The following ATP6V1H variants were observed in gnomAD, a reference collection of about 807,000 sequenced individuals.
The protein encoded by ATP6V1H is V-type proton ATPase subunit H.
In ATP6V1H, 39 loss-of-function variants were observed where a neutral mutation model predicts 71.7. That is an observed-to-expected ratio of 0.54 (90% CI 0.42 to 0.71). The LOEUF is 0.71. ATP6V1H is among the 30% of genes least tolerant of loss of function. The pLI is 0.00. For synonymous variants in ATP6V1H, 192 were observed against 199.3 expected (o/e 0.96, Z 0.31); for missense variants, 509 against 594.9 (o/e 0.86, Z 1.50).
At chr8:53,774,102 AT>A (rs1205601294) in intron 9 of ATP6V1H, among the ~76,000 whole-genome samples, 1 of 152,242 alleles carries the variant, frequency 6.6e-6, no homozygotes, top group African/African-American at 2.4e-5. Context: ...TGGGGCTGAT[AT>A]TTTATTTGAA....
At chr8:53,803,729 G>A (rs2130441610) in intron 7 of ATP6V1H, among the ~76,000 whole-genome samples, 1 of 152,194 alleles carries the variant, frequency 6.6e-6, no homozygotes, top group Non-Finnish European at 1.5e-5. Flanking sequence ...ATTAAAGACA[G>A]ATAAATAGTG....
chr8:53,719,995 A>G (rs1158516374), intron 13 of ATP6V1H, among the ~76,000 whole-genome samples: 3 of 152,234 alleles, frequency 2.0e-5, no homozygotes, highest in Non-Finnish European at 4.4e-5. Context: ...ATTTTACCTC[A>G]GGGGATAATA....
intron 10 of ATP6V1H, among the ~76,000 whole-genome samples, chr8:53,770,492 G>A (rs1225827417): frequency 6.6e-6 from 1 of 152,136 alleles, no homozygotes; most frequent in African/African-American, 2.4e-5. Flanking sequence ...AATACTACTA[G>A]TAATTCGGTA....
chr8:53,749,710 A>T (rs1169165430), intron 12 of ATP6V1H, among the ~76,000 whole-genome samples: 7 of 151,952 alleles, frequency 4.6e-5, no homozygotes, highest in African/African-American at 1.7e-4. Context: ...AATTCCTGGA[A>T]TATAGAAAGG....
intron 10 of ATP6V1H, among the ~76,000 whole-genome samples, chr8:53,770,537 T>C (rs191106155): frequency 4.3e-4 from 65 of 152,304 alleles, no homozygotes; most frequent in Non-Finnish European, 5.9e-4. Context: ...GATCAGAGGG[T>C]ACCATTTGAA....
Position 53,829,541 on chromosome 8 carries a change from A to C in ATP6V1H, c.217-8T>G, listed in dbSNP as rs754018928. On this transcript the variant is annotated splice_polypyrimidine_tract_variant and splice_region_variant and intron_variant, in intron 3 of 13. Transcript: ENST00000359530. Reference sequence around the variant, plus strand: ...TATAAATGTTTTAGCACACTAAAAAAAAAAATGAAATTAAAGTTATTGTTT... The same window carrying C: ...TATAAATGTTTTAGCACACTAAAAACAAAAATGAAATTAAAGTTATTGTTT... 1 of 1,534,504 alleles carries C rather than the reference A, an allele frequency of 6.5e-7. No homozygotes were observed. The highest frequency in any genetic ancestry group is 2.3e-5 in the East Asian group (1 of 43,990).
At chr8:53,837,308 C>T (rs1811188715) in intron 2 of ATP6V1H, among the ~76,000 whole-genome samples, 2 of 152,178 alleles carry the variant, frequency 1.3e-5, no homozygotes, top group South Asian at 4.1e-4. Context: ...ATAATTTAGT[C>T]AACTAATATT....
At chr8:53,744,294 G>A (rs1807519659) in intron 12 of ATP6V1H, among the ~76,000 whole-genome samples, 1 of 152,178 alleles carries the variant, frequency 6.6e-6, no homozygotes, top group Non-Finnish European at 1.5e-5. Flanking sequence ...CCACCGAGAT[G>A]ACTGACAACC....
At chr8:53,724,125 T>A (rs1441021921) in intron 13 of ATP6V1H, among the ~76,000 whole-genome samples, 3 of 152,088 alleles carry the variant, frequency 2.0e-5, no homozygotes, top group African/African-American at 7.2e-5. Context: ...CCATCCGAAT[T>A]ATCAAATATT....
chr8:53,839,889 C>T, intron 2 of ATP6V1H: 2 of 985,576 alleles, frequency 2.0e-6, no homozygotes, highest in Non-Finnish European at 2.4e-6. Context: ...CAAACTCCTT[C>T]CAACCACACA....
rs756460369 is a variant in ATP6V1H, at chr8:53,841,678, C to A, written c.13G>T (p.Asp5Tyr). ...GCAGCATCCACAGCACCTCGGATATCCATTTTGGTCATCTAAACTTCGTAA... is the reference window on the plus strand; with the variant it reads ...GCAGCATCCACAGCACCTCGGATATACATTTTGGTCATCTAAACTTCGTAA... MTKM[D>Y]IRGAVDAAVP... The change falls in exon 2 of 14, where the codon GAT becomes TAT. Residue 5 changes from aspartate (D) to tyrosine (Y), a missense_variant. Asp to Tyr is a radical substitution (Grantham distance 160). Coordinates refer to ENST00000359530, the MANE Select transcript of ATP6V1H (RefSeq NM_015941.4). The A allele has an allele frequency of 4.3e-6, 7 of 1,613,528 alleles. No individual in the cohort carries two copies. Among genetic ancestry groups the A allele is most frequent in the Non-Finnish European group, 5.9e-6 (7 of 1,179,694 alleles).
chr8:53,830,175 C>T (rs1810962069), intron 3 of ATP6V1H, among the ~76,000 whole-genome samples: 2 of 152,194 alleles, frequency 1.3e-5, no homozygotes, highest in African/African-American at 4.8e-5. Flanking sequence ...AATCAAAACA[C>T]TCTATAAAAT....
At chr8:53,835,550 T>C (rs2130536283) in intron 2 of ATP6V1H, among the ~76,000 whole-genome samples, 1 of 152,360 alleles carries the variant, frequency 6.6e-6, no homozygotes, top group Middle Eastern at 3.4e-3. Context: ...ACTACTGCTA[T>C]ATGCCAAATT....
intron 7 of ATP6V1H, among the ~76,000 whole-genome samples, chr8:53,802,630 G>A (rs1268029013): frequency 1.3e-5 from 2 of 152,146 alleles, no homozygotes; most frequent in African/African-American, 4.8e-5. Context: ...TGAGGCATGA[G>A]AATTGCTGGA....
rs536973501 is a variant in ATP6V1H at position 53,821,630 on chromosome 8, T to C, written c.307-4100A>G. Among the ~76,000 whole-genome samples the C allele has an allele frequency of 4.6e-5, 7 of 152,080 alleles. No individual in the cohort carries two copies. In the South Asian group the frequency reaches 1.5e-3, roughly 32 times the overall value. ...TGAACTTGGGAGGTGGAGGTTGCAATGAGCTGAGATCGTACCACTGAACTC... is the reference window on the plus strand; with the variant it reads ...TGAACTTGGGAGGTGGAGGTTGCAACGAGCTGAGATCGTACCACTGAACTC... On this transcript the variant is annotated intron_variant, in intron 4 of 13. Coordinates refer to ENST00000359530, the MANE Select transcript of ATP6V1H (RefSeq NM_015941.4).
chr8:53,748,612 C>T (rs1330421098), intron 12 of ATP6V1H, among the ~76,000 whole-genome samples: 1 of 152,008 alleles, frequency 6.6e-6, no homozygotes, highest in Non-Finnish European at 1.5e-5. Context: ...ATGGAAAATA[C>T]CCATGATAAA....
intron 13 of ATP6V1H, among the ~76,000 whole-genome samples, chr8:53,731,713 G>T (rs1807031842): frequency 6.6e-6 from 1 of 152,236 alleles, no homozygotes; most frequent in Admixed American, 6.5e-5. Flanking sequence ...GGTGTCAGAG[G>T]GGTTTTGTCT....
At position 53,775,826 on chromosome 8, in the gene ATP6V1H, A is replaced by G. The variant is rs558690485; in HGVS notation, c.871-3659T>C. On this transcript the variant is annotated intron_variant, in intron 9 of 13. Transcript: ENST00000359530. ...ACGTCCCCACCAGACTCAGGAGCCC[A>G]GCTGGCTTCACCCAGTGGGTCCCGC... Among the ~76,000 whole-genome samples the G allele has an allele frequency of 1.6e-4, 24 of 152,362 alleles. No individual in the cohort carries two copies. The South Asian group carries it at 5.0e-3, about 32-fold the overall frequency.
intron 9 of ATP6V1H, among the ~76,000 whole-genome samples, chr8:53,772,482 T>C (rs1808699125): frequency 6.6e-6 from 1 of 152,198 alleles, no homozygotes. Flanking sequence ...TTGCTCTGGC[T>C]GTGAGCTCTC....
Sources: allele counts gnomAD v4.1 joint callset (sites outside exome capture counted in the v4.1 genomes callset), GRCh38; gene constraint gnomAD v4.1.1; transcripts MANE v1.5; gene names NCBI Gene and HGNC (gene_info 2026-07-23, HGNC 2026-07-21).